PXK: variants seen among roughly 807,000 people sequenced by gnomAD.
The protein encoded by PXK is PX domain-containing protein kinase-like protein.
In PXK, 35 loss-of-function variants were observed where a neutral mutation model predicts 84.7. The observed-to-expected ratio is 0.41, with a 90% CI of 0.32 to 0.55. PXK has a LOEUF of 0.55. Among genes scored for constraint, PXK ranks in the 20% least tolerant of loss-of-function variants. The probability of loss-of-function intolerance (pLI) is 0.21; values close to 1 mark genes in which losing one functional copy is unlikely to be tolerated. For missense variants in PXK, 634 were observed against 699.7 expected (o/e 0.91, Z 1.06); for synonymous variants, 253 against 260.8 (o/e 0.97, Z 0.29).
In PXK at chr3:58,411,175, G is replaced by T. The variant is rs149633389; in HGVS notation, c.1465+1016G>T. On this transcript the variant is annotated intron_variant, in intron 16 of 17. Transcript: ENST00000356151. The surrounding 1 kb of genome is among the most constrained non-coding windows in gnomAD (Gnocchi z 4.2). ...AAGTCAGGGAGGAGAATGTCTGCCT[G>T]GGGCGGGAGGAGAAAAGTGTACAAG... Among the ~76,000 whole-genome samples the T allele has an allele frequency of 2.0e-4, 31 of 152,336 alleles. No homozygotes were observed. Among genetic ancestry groups the T allele is most frequent in the African/African-American group, 6.7e-4 (28 of 41,572 alleles).
At chr3:58,395,598 C>G (rs1007012550) in intron 8 of PXK, 60 bp from the exon 9 acceptor site, 5 of 1,302,344 alleles carry the variant, frequency 3.8e-6, no homozygotes, top group Non-Finnish European at 4.4e-6. Flanking sequence ...GTCAGGGAGT[C>G]TGTGTGCAGA....
rs546188386 is a variant in PXK, at chr3:58,385,284, T to C, written c.388+2584T>C. Among the ~76,000 whole-genome samples, 3 of 152,328 alleles carry C rather than the reference T, an allele frequency of 2.0e-5. No individual in the cohort carries two copies. The highest frequency in any genetic ancestry group is 7.2e-5 in the African/African-American group (3 of 41,580). On this transcript the variant is annotated intron_variant, in intron 4 of 17. Transcript: ENST00000356151. The surrounding 1 kb of genome is among the most constrained non-coding windows in gnomAD (Gnocchi z 5.1). ...GAATTAAACAATAGGTGATGGATGC[T>C]GTTTTCAGAGAGATGTTGATTTATT...
chr3:58,405,838 C>T (rs66793022), intron 13 of PXK, among the ~76,000 whole-genome samples: 45,057 of 151,912 alleles, frequency 0.3, 7,437 homozygotes, highest in Middle Eastern at 0.39. Flanking sequence ...GAATGTCTCC[C>T]AACAGGGAAA....
chr3:58,336,071 ATTTTTTTTTTTTTT>A (rs1171021563), intron 1 of PXK, among the ~76,000 whole-genome samples: 1 of 51,584 alleles, frequency 1.9e-5, no homozygotes, highest in African/African-American at 1.0e-4. Flanking sequence ...ATATATATAT[ATTTTTTTTTTTTTT>A]TTTTAATACC....
At chr3:58,378,998 C>T (rs1325055859) in intron 3 of PXK, among the ~76,000 whole-genome samples, 1 of 151,918 alleles carries the variant, frequency 6.6e-6, no homozygotes, top group South Asian at 2.1e-4. Context: ...TCTTGGCTTA[C>T]TGCAGCCTCC....
At chr3:58,362,610 C>G (rs369246358) in intron 1 of PXK, among the ~76,000 whole-genome samples, 2 of 152,208 alleles carry the variant, frequency 1.3e-5, no homozygotes, top group Non-Finnish European at 2.9e-5. Flanking sequence ...TTTCTGGGTT[C>G]TCTGTTGTCT....
At chr3:58,420,720 A>G in intron 17 of PXK, 2 of 1,451,066 alleles carry the variant, frequency 1.4e-6, no homozygotes, top group Non-Finnish European at 1.8e-6. Context: ...AATGAAATAC[A>G]GCATCTTTAA....
intron 1 of PXK, among the ~76,000 whole-genome samples, chr3:58,349,661 T>G (rs2097886249): frequency 6.6e-6 from 1 of 152,172 alleles, no homozygotes; most frequent in African/African-American, 2.4e-5. Context: ...TGGCCACATT[T>G]TCATAAATAT....
intron 17 of PXK, among the ~76,000 whole-genome samples, chr3:58,424,080 G>T (rs1158632962): frequency 6.6e-6 from 1 of 152,142 alleles, no homozygotes; most frequent in Non-Finnish European, 1.5e-5. Context: ...ATGGCAGAGA[G>T]ACCCCTCTGC....
rs2098237925 is a variant in PXK at position 58,364,373 on chromosome 3, T to TG, written c.103-1499dup. On this transcript the variant is annotated intron_variant, in intron 1 of 17. Coordinates refer to ENST00000356151, the MANE Select transcript of PXK (RefSeq NM_017771.5). This position sits in a 1 kb window ranked among gnomAD's most constrained non-coding sequence, Gnocchi z 4.3. Reference sequence around the variant, plus strand: ...AAACCATTGGGCCTTGATACATATTTGGCGGGGGGAGGGGAGCGGAGTTTT... The same window carrying TG: ...AAACCATTGGGCCTTGATACATATTTGGGCGGGGGGAGGGGAGCGGAGTTTT... 6.6e-6 allele frequency among the ~76,000 whole-genome samples: 1 copy of TG among 152,038 alleles called. No individual in the cohort carries two copies. Among genetic ancestry groups the TG allele is most frequent in the African/African-American group, 2.4e-5 (1 of 41,358 alleles).
In PXK at chr3:58,400,108, T is replaced by G. The variant is rs887881452; in HGVS notation, c.1181+731T>G. ...TTCACCACTTCTACCTGGGTGACCT[T>G]AGACAAATTTCCTAACCTCTGGAAG... On this transcript the variant is annotated intron_variant, in intron 12 of 17. Transcript: ENST00000356151. The surrounding 1 kb of genome is among the most constrained non-coding windows in gnomAD (Gnocchi z 4.0). 1.3e-5 allele frequency among the ~76,000 whole-genome samples: 2 copies of G among 151,974 alleles called. No homozygotes were observed. Among genetic ancestry groups the G allele is most frequent in the African/African-American group, 4.8e-5 (2 of 41,378 alleles).
chr3:58,393,336 G>C (rs1278684507), intron 7 of PXK, among the ~76,000 whole-genome samples: 3 of 151,948 alleles, frequency 2.0e-5, no homozygotes, highest in Non-Finnish European at 2.9e-5. Flanking sequence ...CAACAGAGCA[G>C]ACTCCGTCTC....
At chr3:58,420,556 A>G (rs757064856) in intron 17 of PXK, 96 of 1,535,880 alleles carry the variant, frequency 6.3e-5, no homozygotes, top group Middle Eastern at 5.0e-4. Context: ...ACCATTTTGA[A>G]CGTGAATTTT....
At position 58,373,906 on chromosome 3, in the gene PXK, G is replaced by A. The variant is rs954175542; in HGVS notation, c.201+4428G>A. Among the ~76,000 whole-genome samples the A allele has an allele frequency of 2.0e-5, 3 of 151,868 alleles. No homozygotes were observed. In the South Asian group the frequency reaches 6.2e-4, roughly 32 times the overall value. On this transcript the variant is annotated intron_variant, in intron 3 of 17. Transcript: ENST00000356151. The stretch of plus-strand genomic sequence containing the variant: ...TAAAAATACAAAAAATTAGCAGGGC[G>A]TGGTGGCCGGCGCCTGTAGTCCCAG...
Position 58,397,063 on chromosome 3 carries a change from G to A in PXK, c.847G>A (p.Gly283Arg), listed in dbSNP as rs1232295463. ...LEVLKFLHDK[G>R]FPYGHLHASN... The stretch of plus-strand genomic sequence containing the variant: ...GGTACTGAAGTTTCTTCATGACAAG[G>A]GATTCCCTTATGGGCATCTTCACGC... The change falls in exon 10 of 18, where the codon GGA becomes AGA. Residue 283 changes from glycine to arginine, a missense_variant. Coordinates refer to ENST00000356151, the MANE Select transcript of PXK (RefSeq NM_017771.5). This position sits in a 1 kb window ranked among gnomAD's most constrained non-coding sequence, Gnocchi z 4.7. The A allele has an allele frequency of 1.2e-6, 2 of 1,613,986 alleles. No homozygotes were observed. The highest frequency in any genetic ancestry group is 2.7e-5 in the African/African-American group (2 of 74,914).
At position 58,391,765 on chromosome 3, in the gene PXK, G is replaced by A. The variant is rs369188768; in HGVS notation, c.541-8G>A. On this transcript the variant is annotated splice_polypyrimidine_tract_variant and splice_region_variant and intron_variant, in intron 6 of 17. Transcript: ENST00000356151. ...ACAGTACCCTGATATTCCCTTCCAT[G>A]TTTTCAGGCTGACCTTGGCCCAGAC... 1 of 1,611,160 alleles carries A rather than the reference G, an allele frequency of 6.2e-7. No individual in the cohort carries two copies.
intron 13 of PXK, among the ~76,000 whole-genome samples, chr3:58,405,958 A>G (rs1416950233): frequency 6.6e-6 from 1 of 150,604 alleles, no homozygotes; most frequent in Non-Finnish European, 1.5e-5. Flanking sequence ...TAAGCTTTAT[A>G]TAATTTTTTA....
chr3:58,339,658 A>G (rs2097692964), intron 1 of PXK, among the ~76,000 whole-genome samples: 1 of 152,166 alleles, frequency 6.6e-6, no homozygotes, highest in Non-Finnish European at 1.5e-5. Context: ...GTACCTGACT[A>G]TAATTACTAG....
rs9855227 is a variant in PXK at position 58,407,713 on chromosome 3, C to T, written c.1231-1211C>T. ...AGTAGATTACAGGCGTGCACCACCACACCTGGCTAATTTTTGTATCTTTAG... is the reference window on the plus strand; with the variant it reads ...AGTAGATTACAGGCGTGCACCACCATACCTGGCTAATTTTTGTATCTTTAG... On this transcript the variant is annotated intron_variant, in intron 13 of 17. Transcript: ENST00000356151. This position sits in a 1 kb window ranked among gnomAD's most constrained non-coding sequence, Gnocchi z 4.3. Among the ~76,000 whole-genome samples, 2,812 of 152,184 alleles carry T rather than the reference C, an allele frequency of 0.018. 102 individuals carry two copies. The highest frequency in any genetic ancestry group is 0.064 in the African/African-American group (2,656 of 41,528).
Sources: gnomAD v4.1 joint callset for allele counts (sites outside exome capture counted in the v4.1 genomes callset) on GRCh38, gnomAD v4.1.1 for gene constraint, Gnocchi (gnomAD v3.1) non-coding constraint, MANE v1.5 for transcripts, NCBI Gene and HGNC (gene_info 2026-07-23, HGNC 2026-07-21) for gene names.